The following MYSM1 variants were observed in gnomAD, a reference collection of about 807,000 sequenced individuals.
MYSM1 encodes the protein deubiquitinase MYSM1.
MYSM1 carries 51 observed loss-of-function variants against 116.0 expected under a neutral mutation model. That is an observed-to-expected ratio of 0.44 (90% CI 0.35 to 0.56). MYSM1 has a LOEUF of 0.56. Ranked by LOEUF, MYSM1 falls within the 20% of genes least tolerant of loss-of-function variation. MYSM1 has a pLI of 0.00. For synonymous variants in MYSM1, 313 were observed against 315.2 expected (o/e 0.99, Z 0.07); for missense variants, 900 against 974.9 (o/e 0.92, Z 1.02).
rs1045340095 is a variant in MYSM1, at chr1:58,691,861, C to T, written c.218+1000G>A. Among the ~76,000 whole-genome samples, 3 of 151,578 alleles carry T rather than the reference C, an allele frequency of 2.0e-5. No homozygotes were observed. The East Asian group carries it at 5.8e-4, about 29-fold the overall frequency. On this transcript the variant is annotated intron_variant, in intron 3 of 19. Transcript: ENST00000472487. ...CAGCCTGGGTGACAAGGCGAGATTC[C>T]GTCTCAAAAAACAAACAAAACAAAA...
intron 13 of MYSM1, 51 bp downstream of exon 13, chr1:58,668,933 G>GAA (rs756079649): frequency 4.3e-6 from 5 of 1,154,956 alleles, no homozygotes; most frequent in Non-Finnish European, 5.8e-6. Flanking sequence ...TTTCCTGTTT[G>GAA]ACGGGGAAGC....
intron 7 of MYSM1, among the ~76,000 whole-genome samples, chr1:58,684,874 T>C (rs917563058): frequency 6.6e-6 from 1 of 152,164 alleles, no homozygotes; most frequent in African/African-American, 2.4e-5. Context: ...CTCTAAGGTT[T>C]TCTCTTTGAA....
Position 58,696,804 on chromosome 1 carries a change from T to C in MYSM1, c.69-1597A>G, listed in dbSNP as rs1328109886. Among the ~76,000 whole-genome samples, 6 of 152,302 alleles carry C rather than the reference T, an allele frequency of 3.9e-5. No individual in the cohort carries two copies. In the South Asian group the frequency reaches 8.3e-4, roughly 21 times the overall value. On this transcript the variant is annotated intron_variant, in intron 1 of 19. Coordinates refer to ENST00000472487, the MANE Select transcript of MYSM1 (RefSeq NM_001085487.3). Reference sequence around the variant, plus strand: ...CACTGTTGTATATCAGTGCATGGCATGTAGAAGGTACTCAATAAAAATTTG... The same window carrying C: ...CACTGTTGTATATCAGTGCATGGCACGTAGAAGGTACTCAATAAAAATTTG...
intron 12 of MYSM1, among the ~76,000 whole-genome samples, chr1:58,669,910 A>G (rs1204440912): frequency 2.0e-5 from 3 of 151,992 alleles, no homozygotes; most frequent in African/African-American, 7.2e-5. Flanking sequence ...GAACCTAAGC[A>G]AGGTCAAAAG....
chr1:58,680,172 CTAATT>C (rs1644717790), intron 8 of MYSM1, among the ~76,000 whole-genome samples: 1 of 151,932 alleles, frequency 6.6e-6, no homozygotes, highest in East Asian at 1.9e-4. Context: ...CAATAGAAAT[CTAATT>C]TAACTAGTCT....
chr1:58,676,874 T>C, intron 9 of MYSM1, 52 bp downstream of exon 9: 1 of 1,584,128 alleles, frequency 6.3e-7, no homozygotes, highest in Non-Finnish European at 8.6e-7. Flanking sequence ...GAATAAGTGC[T>C]GTAAGGATAA....
chr1:58,667,756 AT>A (rs1325464494), intron 15 of MYSM1, 90 bp downstream of exon 15: 1 of 785,720 alleles, frequency 1.3e-6, no homozygotes, highest in African/African-American at 1.8e-5. Flanking sequence ...TAAAGTCTGT[AT>A]TTTAATTATA....
In MYSM1 at chr1:58,692,950, T is replaced by C. The variant is rs368934631; in HGVS notation, c.148-19A>G. 1.9e-6 allele frequency: 3 copies of C among 1,561,162 alleles called. No individual in the cohort carries two copies. The highest frequency in any genetic ancestry group is 2.8e-5 in the African/African-American group (2 of 72,608). On this transcript the variant is annotated intron_variant, in intron 2 of 19. Coordinates refer to ENST00000472487, the MANE Select transcript of MYSM1 (RefSeq NM_001085487.3). ...TCCAAGGCTATTAAAAAAGAGAATA[T>C]ATTTGTCTTTTTATTTATTGCTTTT...
intron 8 of MYSM1, among the ~76,000 whole-genome samples, chr1:58,678,259 T>C (rs1345309092): frequency 3.9e-5 from 6 of 152,196 alleles, no homozygotes; most frequent in African/African-American, 1.4e-4. Context: ...ACACCTTCCA[T>C]AGAAACGTTG....
At chr1:58,686,579 C>T (rs1225956005) in intron 6 of MYSM1, among the ~76,000 whole-genome samples, 1 of 152,132 alleles carries the variant, frequency 6.6e-6, no homozygotes. Context: ...GAAAATATGA[C>T]ATATGGACAA....
In MYSM1 at chr1:58,693,413, C is replaced by T. The variant is rs140198579; in HGVS notation, c.148-482G>A. Among the ~76,000 whole-genome samples, 776 of 152,254 alleles carry T rather than the reference C, an allele frequency of 5.1e-3. 11 individuals are homozygous for T. The highest frequency in any genetic ancestry group is 0.017 in the African/African-American group (701 of 41,542). On this transcript the variant is annotated intron_variant, in intron 2 of 19. Transcript: ENST00000472487. ...AGGCCATAATACCCAACAGCCCATC[C>T]GAGATTTCTACTTGGATATCTAATT...
chr1:58,661,536 T>G, intron 17 of MYSM1, 25 bp from the exon 18 acceptor site: 1 of 1,241,162 alleles, frequency 8.1e-7, no homozygotes, highest in East Asian at 2.3e-5. Context: ...AGAAGCACAT[T>G]GTCATCAACT....
intron 10 of MYSM1, 98 bp downstream of exon 10, chr1:58,675,377 TAA>T: frequency 1.3e-6 from 1 of 778,288 alleles, no homozygotes; most frequent in East Asian, 2.7e-5. Context: ...GTTTTTCTAC[TAA>T]ATGGTCATTT....
chr1:58,658,159 T>C lies in MYSM1; in HGVS notation c.*1838A>G, dbSNP rs1053002986. 2 of 152,132 alleles carry C rather than the reference T, an allele frequency of 1.3e-5. No homozygotes were observed. The highest frequency in any genetic ancestry group is 1.3e-4 in the Admixed American group (2 of 15,248). The allele number at this position is 152,132 out of a possible 1,614,324, so 9.4% of individuals were successfully genotyped here. ...GGTGAGGAGCATGGGGTCCAGGTTATGTGTTTTGATTAAGGTCACACAGCA... is the reference window on the plus strand; with the variant it reads ...GGTGAGGAGCATGGGGTCCAGGTTACGTGTTTTGATTAAGGTCACACAGCA... On this transcript the variant is annotated 3_prime_UTR_variant, in exon 20 of 20. Transcript: ENST00000472487.
At chr1:58,662,867 G>GTATTAA (rs1557504148) in intron 17 of MYSM1, among the ~76,000 whole-genome samples, 1 of 151,816 alleles carries the variant, frequency 6.6e-6, no homozygotes, top group African/African-American at 2.4e-5. Context: ...ATAGTACACG[G>GTATTAA]GGTATTAAGC....
chr1:58,684,827 G>A (rs140591021), intron 7 of MYSM1, among the ~76,000 whole-genome samples: 6 of 152,060 alleles, frequency 3.9e-5, no homozygotes, highest in African/African-American at 1.2e-4. Flanking sequence ...ATTTTAAAAG[G>A]AAAAGTTATT....
At chr1:58,689,440 G>A (rs143619358) in intron 5 of MYSM1, 176 of 191,722 alleles carry the variant, frequency 9.2e-4, no homozygotes, top group African/African-American at 4.0e-3. Flanking sequence ...AAAGCAGCAG[G>A]TGTTAATACA....
At chr1:58,677,167 T>C (rs1399636288) in intron 8 of MYSM1, 111 bp from the exon 9 acceptor site, 3 of 850,314 alleles carry the variant, frequency 3.5e-6, no homozygotes, top group Non-Finnish European at 5.4e-6. Context: ...CCCCTTTCAA[T>C]GTATAAATGT....
At chr1:58,665,742 T>C in intron 16 of MYSM1, 111 bp from the exon 17 acceptor site, 1 of 781,828 alleles carries the variant, frequency 1.3e-6, no homozygotes, top group Non-Finnish European at 2.0e-6. Context: ...AACAAAAAGG[T>C]GCATTAAAAA....
Sources: gnomAD v4.1 joint callset for allele counts (sites outside exome capture counted in the v4.1 genomes callset) on GRCh38, gnomAD v4.1.1 for gene constraint, MANE v1.5 for transcripts, NCBI Gene and HGNC (gene_info 2026-07-23, HGNC 2026-07-21) for gene names.